IMPA2: variants seen among roughly 807,000 people sequenced by gnomAD.
IMPA2 encodes IMP 2.
IMPA2 carries 32 observed loss-of-function variants against 35.1 expected under a neutral mutation model. That is an observed-to-expected ratio of 0.91 (90% CI 0.69 to 1.23). The LOEUF (loss-of-function observed/expected upper bound fraction) is 1.23, where lower values mean the gene tolerates loss of function less well. Ranked by LOEUF, IMPA2 falls within the 50% of genes most tolerant of loss-of-function variation. The pLI is 0.00. For missense variants in IMPA2, 334 were observed against 387.6 expected (o/e 0.86, Z 1.16); for synonymous variants, 135 against 160.6 (o/e 0.84, Z 1.20).
At chr18:12,022,260 G>A (rs1439965593) in intron 5 of IMPA2, among the ~76,000 whole-genome samples, 1 of 151,968 alleles carries the variant, frequency 6.6e-6, no homozygotes, top group African/African-American at 2.4e-5. Context: ...GGCCGGGCCC[G>A]GTGGCTCACG....
In IMPA2 at chr18:12,010,922, T is replaced by C. The variant is rs1463744322; in HGVS notation, c.335+935T>C. On this transcript the variant is annotated intron_variant, in intron 3 of 7. Transcript: ENST00000269159. The surrounding 1 kb of genome is among the most constrained non-coding windows in gnomAD (Gnocchi z 4.8). ...ACATAAGGTGACCCTTTCGAGGCAG[T>C]GGAGTCGTGCCATCTGGTGCCAGCA... Among the ~76,000 whole-genome samples, 1 of 152,222 alleles carries C rather than the reference T, an allele frequency of 6.6e-6. No individual in the cohort carries two copies. Among genetic ancestry groups the C allele is most frequent in the African/African-American group, 2.4e-5 (1 of 41,460 alleles).
intron 7 of IMPA2, among the ~76,000 whole-genome samples, chr18:12,029,913 G>T (rs1266759250): frequency 1.3e-5 from 2 of 152,240 alleles, no homozygotes; most frequent in East Asian, 3.9e-4. Context: ...ACCCCCAGGA[G>T]CTTGTGGGCA....
Position 12,010,019 on chromosome 18 carries a change from G to A in IMPA2, c.335+32G>A, listed in dbSNP as rs1310402122. 7 of 1,486,678 alleles carry A rather than the reference G, an allele frequency of 4.7e-6. No homozygotes were observed. In the African/African-American group the frequency reaches 9.7e-5, roughly 21 times the overall value. The allele number at this position is 1,486,678 out of a possible 1,614,324, so 92.1% of individuals were successfully genotyped here. ...TGAGCAGGGATCGCCTCCATTGCAG[G>A]GCTTAACATGTCCTCTTCTGTGAGG... On this transcript the variant is annotated intron_variant, in intron 3 of 7. Coordinates refer to ENST00000269159, the MANE Select transcript of IMPA2 (RefSeq NM_014214.3). The surrounding 1 kb of genome is among the most constrained non-coding windows in gnomAD (Gnocchi z 4.8).
rs1467264756 is a variant in IMPA2, at chr18:12,029,078, A to G, written c.751+85A>G. On this transcript the variant is annotated intron_variant, in intron 7 of 7. Transcript: ENST00000269159. ...GGGGCACTTCCTGAAGTCCCCACCA[A>G]CTGAATTTCCCACCTTCCCCAGAGT... 5 of 1,140,542 alleles carry G rather than the reference A, an allele frequency of 4.4e-6. No homozygotes were observed. In the African/African-American group the frequency reaches 6.7e-5, roughly 15 times the overall value. 70.7% of individuals were successfully genotyped at this position (1,140,542 alleles called of 1,614,324 possible).
At chr18:12,002,763 CA>C (rs57245640) in intron 2 of IMPA2, among the ~76,000 whole-genome samples, 15 of 137,662 alleles carry the variant, frequency 1.1e-4, no homozygotes, top group Middle Eastern at 3.8e-3. Flanking sequence ...GACCTTGTCT[CA>C]AAAAAAAAAA....
At chr18:12,016,492 C>T (rs1373799522) in intron 5 of IMPA2, among the ~76,000 whole-genome samples, 1 of 149,318 alleles carries the variant, frequency 6.7e-6, no homozygotes, top group Non-Finnish European at 1.5e-5. Context: ...GTGGCACAAT[C>T]TTGGCTCACT....
chr18:11,996,708 C>T (rs1598687921), intron 1 of IMPA2, among the ~76,000 whole-genome samples: 1 of 152,268 alleles, frequency 6.6e-6, no homozygotes, highest in Admixed American at 6.5e-5. Flanking sequence ...TCTCAGACCC[C>T]AGTCAGACCT....
intron 3 of IMPA2, among the ~76,000 whole-genome samples, chr18:12,011,834 G>A (rs930668402): frequency 2.6e-5 from 4 of 152,246 alleles, no homozygotes; most frequent in African/African-American, 7.2e-5. Context: ...TCTGGCCTTT[G>A]GGGAGGGCTC....
chr18:12,009,857 T>C (rs1568033759), intron 2 of IMPA2, 26 bp from the exon 3 acceptor site: 1 of 1,587,970 alleles, frequency 6.3e-7, no homozygotes, highest in Admixed American at 1.7e-5. Flanking sequence ...TGGTGCATTT[T>C]CTCAGGCTGG....
At chr18:11,981,897 C>T (rs1195003589) in intron 1 of IMPA2, 132 bp downstream of exon 1, 4 of 498,926 alleles carry the variant, frequency 8.0e-6, no homozygotes, top group Non-Finnish European at 1.2e-5. Context: ...GCGCGGGGCG[C>T]GGAGCGGTGA....
intron 2 of IMPA2, among the ~76,000 whole-genome samples, chr18:11,999,395 A>G (rs1907055776): frequency 6.6e-6 from 1 of 152,228 alleles, no homozygotes; most frequent in Admixed American, 6.5e-5. Flanking sequence ...CTTAACAACC[A>G]TCACGTCAAT....
rs1448420659 is a variant in IMPA2, at chr18:11,999,041, A to C, written c.97-13A>C. 3 of 1,605,310 alleles carry C rather than the reference A, an allele frequency of 1.9e-6. No homozygotes were observed. The highest frequency in any genetic ancestry group is 1.7e-6 in the Non-Finnish European group (2 of 1,176,784). The stretch of plus-strand genomic sequence containing the variant: ...TTTGCATGTTTAACCCAAATCCCGT[A>C]CTTTTATTTCAGATCATCAGAAAAG... On this transcript the variant is annotated splice_polypyrimidine_tract_variant and intron_variant, in intron 1 of 7. Coordinates refer to ENST00000269159, the MANE Select transcript of IMPA2 (RefSeq NM_014214.3).
chr18:11,997,415 G>C (rs1320311632), intron 1 of IMPA2, among the ~76,000 whole-genome samples: 1 of 152,244 alleles, frequency 6.6e-6, no homozygotes, highest in Non-Finnish European at 1.5e-5. Context: ...AGTGGACATG[G>C]CTATGTGGAC....
intron 2 of IMPA2, among the ~76,000 whole-genome samples, chr18:12,002,734 A>G (rs1352115256): frequency 2.0e-5 from 3 of 148,958 alleles, no homozygotes; most frequent in Non-Finnish European, 4.4e-5. Context: ...ACTGCAGTCT[A>G]GCCTGGGTGA....
intron 1 of IMPA2, among the ~76,000 whole-genome samples, chr18:11,995,595 C>T (rs976530680): frequency 6.6e-6 from 1 of 152,296 alleles, no homozygotes; most frequent in East Asian, 1.9e-4. Flanking sequence ...AGGGCGCCAC[C>T]AAGTGCTCTG....
intron 1 of IMPA2, among the ~76,000 whole-genome samples, chr18:11,984,422 C>T (rs1906596679): frequency 1.3e-5 from 2 of 152,232 alleles, no homozygotes; most frequent in African/African-American, 4.8e-5. Flanking sequence ...GGATGGTTGT[C>T]ATCTTTTGTG....
chr18:12,011,558 C>G (rs1598698035), intron 3 of IMPA2, among the ~76,000 whole-genome samples: 1 of 152,226 alleles, frequency 6.6e-6, no homozygotes, highest in African/African-American at 2.4e-5. Flanking sequence ...CCCAGCCTTT[C>G]CTGCCTGTTT....
At chr18:12,020,316 C>T (rs934078535) in intron 5 of IMPA2, among the ~76,000 whole-genome samples, 1 of 152,064 alleles carries the variant, frequency 6.6e-6, no homozygotes, top group South Asian at 2.1e-4. Flanking sequence ...GCTTCAGCCT[C>T]CCAAGTAGCT....
At chr18:12,003,659 A>G (rs1397379588) in intron 2 of IMPA2, among the ~76,000 whole-genome samples, 2 of 54,054 alleles carry the variant, frequency 3.7e-5, no homozygotes, top group Non-Finnish European at 5.5e-5. Context: ...TTAAAAAAAA[A>G]AAAAAGAAAA....
Sources: gnomAD v4.1 joint callset for allele counts (sites outside exome capture counted in the v4.1 genomes callset) on GRCh38, gnomAD v4.1.1 for gene constraint, Gnocchi (gnomAD v3.1) non-coding constraint, MANE v1.5 for transcripts, NCBI Gene and HGNC (gene_info 2026-07-23, HGNC 2026-07-21) for gene names.